CHD1L: variants seen among roughly 807,000 people sequenced by gnomAD.
CHD1L encodes ATP-dependent chromatin remodeler CHD1L.
CHD1L carries 118 observed loss-of-function variants against 115.9 expected under a neutral mutation model. The observed-to-expected ratio is 1.02, with a 90% CI of 0.88 to 1.19. The LOEUF is 1.19. CHD1L is among the 50% of genes most tolerant of loss of function. The pLI, the probability that CHD1L is intolerant of heterozygous loss-of-function variation, is 0.00. For synonymous variants in CHD1L, 411 were observed against 387.1 expected (o/e 1.06, Z -0.72); for missense variants, 1,179 against 1,065.3 (o/e 1.11, Z -1.49).
chr1:147,283,423 C>T (rs782246933), intron 15 of CHD1L, among the ~76,000 whole-genome samples: 1 of 152,168 alleles, frequency 6.6e-6, no homozygotes, highest in Non-Finnish European at 1.5e-5. Flanking sequence ...CCGATTCAAT[C>T]ATTATCTTAC....
At chr1:147,179,555 A>C in the CHD1L span, 1 of 1,586,706 alleles carries the variant, frequency 6.3e-7, no homozygotes, top group Admixed American at 1.7e-5. Flanking sequence ...GCTATCTACA[A>C]CGAGAAGCTA....
the CHD1L span, chr1:147,210,006 TATC>T: frequency 6.6e-6 from 1 of 152,248 alleles, no homozygotes; most frequent in African/African-American, 2.4e-5. Context: ...CACAGCAGAT[TATC>T]ATCACTTCCA....
the CHD1L span, chr1:147,203,456 C>G: frequency 1.2e-6 from 1 of 832,304 alleles, no homozygotes; most frequent in Non-Finnish European, 2.1e-6. Flanking sequence ...ATGTCCGTTA[C>G]AGCAGGGACT....
Position 147,280,993 on chromosome 1 carries a change from G to T in CHD1L, c.1705+802G>T, listed in dbSNP as rs587660395. 4.6e-5 allele frequency among the ~76,000 whole-genome samples: 7 copies of T among 152,070 alleles called. No homozygotes were observed. The South Asian group carries it at 1.5e-3, about 32-fold the overall frequency. ...CTAGATGGTAGCTCCTTTTTATTTTGGGTAGTGGTAGTGGCATGATTTCTG... is the reference window on the plus strand; with the variant it reads ...CTAGATGGTAGCTCCTTTTTATTTTTGGTAGTGGTAGTGGCATGATTTCTG... On this transcript the variant is annotated intron_variant, in intron 15 of 22. Coordinates refer to ENST00000369258, the MANE Select transcript of CHD1L (RefSeq NM_004284.6).
the CHD1L span, among the ~76,000 whole-genome samples, chr1:147,232,868 G>T: frequency 1.3e-5 from 2 of 152,160 alleles, no homozygotes; most frequent in Admixed American, 1.3e-4. Context: ...CCTCCCAGCC[G>T]CCTGCCTTGG....
chr1:147,245,106 T>C (rs1553933074), intron 1 of CHD1L, among the ~76,000 whole-genome samples: 1 of 152,236 alleles, frequency 6.6e-6, no homozygotes, highest in Admixed American at 6.5e-5. Context: ...TACTTCTTGC[T>C]GTTTTGCTTG....
At chr1:147,287,025 G>C (rs1683430107) in intron 18 of CHD1L, among the ~76,000 whole-genome samples, 1 of 151,958 alleles carries the variant, frequency 6.6e-6, no homozygotes, top group South Asian at 2.1e-4. Flanking sequence ...TATCACACCT[G>C]TCCCACCTGA....
the CHD1L span, among the ~76,000 whole-genome samples, chr1:147,217,576 C>T: frequency 6.6e-6 from 1 of 152,156 alleles, no homozygotes; most frequent in East Asian, 1.9e-4. Flanking sequence ...ATTTTTATTG[C>T]TTAATTATTC....
At chr1:147,183,170 C>T in the CHD1L span, among the ~76,000 whole-genome samples, 1 of 152,158 alleles carries the variant, frequency 6.6e-6, no homozygotes. Context: ...TGCACTCCAG[C>T]CTGGGCGACA....
the CHD1L span, among the ~76,000 whole-genome samples, chr1:147,232,933 G>A: frequency 1.3e-5 from 2 of 152,218 alleles, no homozygotes. Context: ...CATCTGGGAA[G>A]TGAGGAGCAT....
the CHD1L span, chr1:147,213,420 T>C: frequency 6.2e-7 from 1 of 1,613,348 alleles, no homozygotes; most frequent in Admixed American, 1.7e-5. Context: ...CCACTTCCCA[T>C]TGGCCTGAAG....
chr1:147,256,973 T>C (rs1299236905), intron 5 of CHD1L, among the ~76,000 whole-genome samples: 10 of 152,234 alleles, frequency 6.6e-5, no homozygotes, highest in Non-Finnish European at 1.5e-5. Context: ...AGCTGTTTGC[T>C]GGACATAACC....
At chr1:147,284,307 TC>T in intron 15 of CHD1L, 43 bp from the exon 16 acceptor site, 1 of 1,451,744 alleles carries the variant, frequency 6.9e-7, no homozygotes, top group Non-Finnish European at 9.3e-7. Flanking sequence ...AATCTATTTT[TC>T]CTTGGTATCT....
intron 18 of CHD1L, among the ~76,000 whole-genome samples, chr1:147,287,034 G>C (rs1193902204): frequency 6.6e-6 from 1 of 152,096 alleles, no homozygotes; most frequent in Admixed American, 6.5e-5. Context: ...TGTCCCACCT[G>C]ACACATTACC....
the CHD1L span, chr1:147,175,436 C>CATA: frequency 6.6e-6 from 1 of 152,180 alleles, no homozygotes; most frequent in Non-Finnish European, 1.5e-5. Flanking sequence ...GGACCTATAA[C>CATA]CTTCACGTGT....
intron 12 of CHD1L, 136 bp downstream of exon 12, chr1:147,272,417 A>C (rs1676598082): frequency 1.6e-6 from 1 of 622,590 alleles, no homozygotes. Context: ...AAGGTACTGG[A>C]CATCAAGCAT....
the CHD1L span, among the ~76,000 whole-genome samples, chr1:147,189,354 T>C: frequency 6.6e-6 from 1 of 151,554 alleles, no homozygotes; most frequent in Non-Finnish European, 1.5e-5. Context: ...AGGTGAGAAT[T>C]TAGAAAATTT....
At chr1:147,276,512 T>A (rs1678543218) in intron 14 of CHD1L, among the ~76,000 whole-genome samples, 1 of 152,192 alleles carries the variant, frequency 6.6e-6, no homozygotes, top group African/African-American at 2.4e-5. Flanking sequence ...TTTGCATTTC[T>A]AAAAATAAAG....
the CHD1L span, among the ~76,000 whole-genome samples, chr1:147,189,743 C>G: frequency 6.6e-6 from 1 of 152,148 alleles, no homozygotes; most frequent in Non-Finnish European, 1.5e-5. Context: ...GTCACATGAG[C>G]ATTGCCAGCA....
Sources: allele counts gnomAD v4.1 joint callset (sites outside exome capture counted in the v4.1 genomes callset), GRCh38; gene constraint gnomAD v4.1.1; transcripts MANE v1.5; gene names NCBI Gene and HGNC (gene_info 2026-07-23, HGNC 2026-07-21).